The following SLC44A5 variants were observed in gnomAD, a reference collection of about 807,000 sequenced individuals.
SLC44A5 encodes solute carrier family 44 member 5.
In SLC44A5, 57 loss-of-function variants were observed where a neutral mutation model predicts 101.8. The ratio of observed to expected loss-of-function variants is 0.56; its 90% CI spans 0.45 to 0.70. SLC44A5 has a LOEUF of 0.70. SLC44A5 is among the 30% of genes least tolerant of loss of function. SLC44A5 has a pLI of 0.00. For missense variants in SLC44A5, 737 were observed against 853.1 expected, an observed-to-expected ratio of 0.86 and a Z score of 1.70; for synonymous variants, 281 against 290.9, an observed-to-expected ratio of 0.97 and a Z score of 0.35.
At chr1:75,477,000 C>A (rs1570394822) in intron 2 of SLC44A5, among the ~76,000 whole-genome samples, 1 of 152,180 alleles carries the variant, frequency 6.6e-6, no homozygotes, top group Non-Finnish European at 1.5e-5. Context: ...TGGGAGGCAC[C>A]CCCCAGCAGG....
At chr1:75,577,788 CT>C (rs1189890369) in intron 1 of SLC44A5, among the ~76,000 whole-genome samples, 1 of 152,024 alleles carries the variant, frequency 6.6e-6, no homozygotes, top group East Asian at 1.9e-4. Flanking sequence ...TATTGTGTAC[CT>C]ATTCTGGGAC....
chr1:75,280,494 TTATA>T (rs1306496547), intron 5 of SLC44A5, among the ~76,000 whole-genome samples: 6 of 113,410 alleles, frequency 5.3e-5, no homozygotes, highest in African/African-American at 2.1e-4. Flanking sequence ...ATTATATATA[TTATA>T]TATATATATA....
chr1:75,246,199 G>T (rs1020733510), intron 7 of SLC44A5, among the ~76,000 whole-genome samples: 3 of 151,994 alleles, frequency 2.0e-5, no homozygotes, highest in African/African-American at 7.2e-5. Flanking sequence ...ATTGGAATTT[G>T]GTGGCTGGGA....
chr1:75,582,063 G>A, intron 1 of SLC44A5: 1 of 689,942 alleles, frequency 1.4e-6, no homozygotes, highest in African/African-American at 1.8e-5. Flanking sequence ...TTCACTTCCA[G>A]GCGCTTCAGG....
At chr1:75,634,877 C>A in the SLC44A5 span, among the ~76,000 whole-genome samples, 1 of 152,126 alleles carries the variant, frequency 6.6e-6, no homozygotes, top group South Asian at 2.1e-4. Context: ...AGGCAACCTA[C>A]AAAGTGGGAG....
the SLC44A5 span, among the ~76,000 whole-genome samples, chr1:75,644,644 T>A: frequency 0.43 from 20,892 of 48,246 alleles, 3,748 homozygotes; most frequent in African/African-American, 0.55. Context: ...ATATATATAT[T>A]TTTTTTTAAT....
chr1:75,526,589 G>T (rs1344497785), intron 2 of SLC44A5, among the ~76,000 whole-genome samples: 4 of 152,180 alleles, frequency 2.6e-5, no homozygotes, highest in Non-Finnish European at 5.9e-5. Flanking sequence ...AGATTTCAGG[G>T]TTTGTCTGTT....
chr1:75,210,143 C>T (rs1646824945), intron 23 of SLC44A5, among the ~76,000 whole-genome samples: 1 of 151,842 alleles, frequency 6.6e-6, no homozygotes. Flanking sequence ...AACTCCTGGG[C>T]CCAGGTGATC....
intron 1 of SLC44A5, among the ~76,000 whole-genome samples, chr1:75,559,877 G>T (rs61797265): frequency 0.38 from 57,848 of 152,024 alleles, 11,575 homozygotes; most frequent in Non-Finnish European, 0.46. Flanking sequence ...ATGGGCAAAG[G>T]ATTGGAAGAG....
At chr1:75,322,855 G>C (rs938204993) in intron 4 of SLC44A5, among the ~76,000 whole-genome samples, 2 of 152,142 alleles carry the variant, frequency 1.3e-5, no homozygotes, top group Non-Finnish European at 2.9e-5. Flanking sequence ...AAGTCACCAG[G>C]TAATTGTGAC....
At chr1:75,312,454 T>C (rs1655380669) in intron 4 of SLC44A5, among the ~76,000 whole-genome samples, 2 of 152,044 alleles carry the variant, frequency 1.3e-5, no homozygotes, top group African/African-American at 2.4e-5. Flanking sequence ...TGAGAGGTGA[T>C]TAGTTTCTGC....
chr1:75,477,791 G>A (rs1264132377), intron 2 of SLC44A5, among the ~76,000 whole-genome samples: 1 of 152,176 alleles, frequency 6.6e-6, no homozygotes, highest in African/African-American at 2.4e-5. Context: ...GTACCTGAAA[G>A]TGACGGGGAG....
At chr1:75,614,066 C>T (rs1257070498), upstream of SLC44A5, among the ~76,000 whole-genome samples, 1 of 152,184 alleles carries the variant, frequency 6.6e-6, no homozygotes, top group African/African-American at 2.4e-5. Context: ...TGTATTTCTG[C>T]CAATGGATAG....
chr1:75,505,301 T>C (rs1043282224), intron 2 of SLC44A5, among the ~76,000 whole-genome samples: 5 of 152,198 alleles, frequency 3.3e-5, no homozygotes, highest in African/African-American at 1.2e-4. Context: ...TTTGCTACTG[T>C]GAATAGTGCT....
chr1:75,559,752 C>G (rs1034506982), intron 1 of SLC44A5, among the ~76,000 whole-genome samples: 1 of 151,940 alleles, frequency 6.6e-6, no homozygotes, highest in Non-Finnish European at 1.5e-5. Flanking sequence ...GAAAAGACAA[C>G]CCATAGAATG....
At chr1:75,493,091 T>TG (rs1668505100) in intron 2 of SLC44A5, among the ~76,000 whole-genome samples, 1 of 152,122 alleles carries the variant, frequency 6.6e-6, no homozygotes, top group African/African-American at 2.4e-5. Context: ...TGCAGAGAAG[T>TG]GAAAAAAGTA....
chr1:75,699,106 C>T, the SLC44A5 span, among the ~76,000 whole-genome samples: 3 of 152,048 alleles, frequency 2.0e-5, no homozygotes, highest in Non-Finnish European at 4.4e-5. Flanking sequence ...AGAACTTCCC[C>T]AATCTAGCAA....
chr1:75,462,435 G>A (rs1284464270), intron 2 of SLC44A5, among the ~76,000 whole-genome samples: 2 of 152,128 alleles, frequency 1.3e-5, no homozygotes, highest in African/African-American at 4.8e-5. Flanking sequence ...AGCCCACACT[G>A]AGAAGACTAG....
intron 2 of SLC44A5, among the ~76,000 whole-genome samples, chr1:75,477,601 G>T (rs1194804565): frequency 6.6e-6 from 1 of 152,210 alleles, no homozygotes; most frequent in African/African-American, 2.4e-5. Context: ...ACTACGTGAA[G>T]AATGCAGAAG....
Sources: gnomAD v4.1 joint callset for allele counts (sites outside exome capture counted in the v4.1 genomes callset) on GRCh38, gnomAD v4.1.1 for gene constraint, MANE v1.5 for transcripts, NCBI Gene and HGNC (gene_info 2026-07-23, HGNC 2026-07-21) for gene names.